The following CAMKK2 variants were observed in gnomAD, a reference collection of about 807,000 sequenced individuals.
CAMKK2 encodes the protein calcium/calmodulin dependent protein kinase kinase 2.
In CAMKK2, 30 loss-of-function variants were observed where a neutral mutation model predicts 67.2. The ratio of observed to expected loss-of-function variants is 0.45; its 90% CI spans 0.33 to 0.61. The LOEUF is 0.61. Among genes scored for constraint, CAMKK2 ranks in the 20% least tolerant of loss-of-function variants. The probability of loss-of-function intolerance (pLI) is 0.02; values close to 1 mark genes in which losing one functional copy is unlikely to be tolerated. For synonymous variants in CAMKK2, 322 were observed against 326.2 expected, an observed-to-expected ratio of 0.99 and a Z score of 0.14; for missense variants, 643 against 802.0, an observed-to-expected ratio of 0.80 and a Z score of 2.39.
intron 11 of CAMKK2, among the ~76,000 whole-genome samples, chr12:121,251,924 A>G (rs1182048551): frequency 1.3e-5 from 2 of 152,176 alleles, no homozygotes; most frequent in African/African-American, 4.8e-5. Context: ...CCCTAAATCA[A>G]TAATGGTAAA....
intron 2 of CAMKK2, among the ~76,000 whole-genome samples, chr12:121,273,660 C>T (rs992235523): frequency 2.0e-5 from 3 of 152,074 alleles, no homozygotes; most frequent in African/African-American, 7.3e-5. Flanking sequence ...CTGTCCACAC[C>T]CACAGGGGGT....
intron 1 of CAMKK2, among the ~76,000 whole-genome samples, chr12:121,281,151 C>T (rs1397667772): frequency 2.0e-5 from 3 of 152,154 alleles, no homozygotes; most frequent in Non-Finnish European, 2.9e-5. Context: ...AGCCAGCCGA[C>T]GCTTAGGAAA....
intron 5 of CAMKK2, among the ~76,000 whole-genome samples, chr12:121,265,044 C>T (rs1316303217): frequency 6.6e-6 from 1 of 151,952 alleles, no homozygotes; most frequent in South Asian, 2.1e-4. Flanking sequence ...AAGAAGCAAG[C>T]ATCGGGAGAG....
chr12:121,240,606 T>G lies in CAMKK2; in HGVS notation c.*93A>C. On this transcript the variant is annotated 3_prime_UTR_variant, in exon 17 of 17. Coordinates refer to ENST00000404169, the MANE Select transcript of CAMKK2 (RefSeq NM_001270485.2). This position sits in a 1 kb window ranked among gnomAD's most constrained non-coding sequence, Gnocchi z 4.4. The stretch of plus-strand genomic sequence containing the variant: ...GACGATCGAGGCTCTACACACGTGC[T>G]GGGTTTCCGTAGGACATGCTGCTAT... 6.5e-7 allele frequency: 1 copy of G among 1,533,668 alleles called. No individual in the cohort carries two copies. The highest frequency in any genetic ancestry group is 8.7e-7 in the Non-Finnish European group (1 of 1,146,312).
Position 121,271,145 on chromosome 12 carries a change from G to C in CAMKK2, c.472-200C>G, listed in dbSNP as rs28969493. ...TAAAAATTAGCCAGGCGTGGTGGTGGGCACCTGTAATCCCAGCTACTCAGG... is the reference window on the plus strand; with the variant it reads ...TAAAAATTAGCCAGGCGTGGTGGTGCGCACCTGTAATCCCAGCTACTCAGG... On this transcript the variant is annotated intron_variant, in intron 2 of 16. Coordinates refer to ENST00000404169, the MANE Select transcript of CAMKK2 (RefSeq NM_001270485.2). Among the ~76,000 whole-genome samples, 516 of 151,678 alleles carry C rather than the reference G, an allele frequency of 3.4e-3. 2 individuals carry two copies. The highest frequency in any genetic ancestry group is 5.2e-3 in the Non-Finnish European group (353 of 67,912).
Position 121,250,050 on chromosome 12 carries a change from G to GC in CAMKK2, c.1162-17_1162-16insG. On this transcript the variant is annotated splice_polypyrimidine_tract_variant and intron_variant, in intron 11 of 16. Transcript: ENST00000404169. ...TGAATGGGCACTGCAAAGAGGCCAGGGACAGAGTGGCAGTCAATGGCGGCC... is the reference window on the plus strand; with the variant it reads ...TGAATGGGCACTGCAAAGAGGCCAGGCGACAGAGTGGCAGTCAATGGCGGCC... The GC allele has an allele frequency of 6.2e-7, 1 of 1,603,924 alleles. No individual in the cohort carries two copies.
chr12:121,249,096 C>A (rs1376910259), intron 13 of CAMKK2, among the ~76,000 whole-genome samples: 1 of 152,256 alleles, frequency 6.6e-6, no homozygotes, highest in African/African-American at 2.4e-5. Context: ...AGGCAGCATT[C>A]TCCCCATCTC....
intron 7 of CAMKK2, among the ~76,000 whole-genome samples, chr12:121,258,929 G>A (rs1040143801): frequency 2.0e-5 from 3 of 147,904 alleles, no homozygotes; most frequent in Admixed American, 6.9e-5. Context: ...TGCAACCTCC[G>A]CCTCTCAGGT....
chr12:121,295,761 G>A (rs1901022628), intron 1 of CAMKK2, among the ~76,000 whole-genome samples: 1 of 152,206 alleles, frequency 6.6e-6, no homozygotes, highest in Non-Finnish European at 1.5e-5. Flanking sequence ...AGCCTTCTCG[G>A]GGAGATCGGA....
rs1009051150 is a variant in CAMKK2, at chr12:121,245,332, C to T, written c.1453-92G>A. On this transcript the variant is annotated intron_variant, in intron 14 of 16. Transcript: ENST00000404169. The surrounding 1 kb of genome is among the most constrained non-coding windows in gnomAD (Gnocchi z 5.8). Reference sequence around the variant, plus strand: ...ATCCTCCCTCTTCCTTCTCCCCAGCCCCTGCCAGCTCCCAGGGCTGGTGAC... The same window carrying T: ...ATCCTCCCTCTTCCTTCTCCCCAGCTCCTGCCAGCTCCCAGGGCTGGTGAC... The T allele has an allele frequency of 2.6e-5, 21 of 799,796 alleles. 1 individual carries two copies. Among genetic ancestry groups the T allele is most frequent in the Non-Finnish European group, 4.5e-5 (21 of 468,316 alleles). The allele number at this position is 799,796 out of a possible 1,614,324, so 49.5% of individuals were successfully genotyped here. A position where few individuals can be genotyped will look rare whatever the true frequency, so the allele number is the denominator to read the frequency against.
chr12:121,281,125 G>C (rs1297305342), intron 1 of CAMKK2, among the ~76,000 whole-genome samples: 1 of 152,180 alleles, frequency 6.6e-6, no homozygotes, highest in African/African-American at 2.4e-5. Context: ...TTTGTACTCT[G>C]TCCCTTTATT....
chr12:121,252,077 T>C (rs1890851721), intron 11 of CAMKK2, among the ~76,000 whole-genome samples: 1 of 151,638 alleles, frequency 6.6e-6, no homozygotes, highest in South Asian at 2.1e-4. Context: ...GGCTCAGAAA[T>C]GGGAGAGGTG....
intron 1 of CAMKK2, among the ~76,000 whole-genome samples, chr12:121,279,793 C>T (rs1897419979): frequency 1.3e-5 from 2 of 152,252 alleles, no homozygotes; most frequent in South Asian, 4.1e-4. Context: ...CCAGAGCCTT[C>T]CTGGAGCAGA....
chr12:121,294,770 G>C (rs1231885352), intron 1 of CAMKK2, among the ~76,000 whole-genome samples: 1 of 152,190 alleles, frequency 6.6e-6, no homozygotes, highest in Non-Finnish European at 1.5e-5. Context: ...AATTCCCTAC[G>C]TTGTAGGATT....
chr12:121,272,852 A>G (rs1022027716), intron 2 of CAMKK2, among the ~76,000 whole-genome samples: 1 of 152,082 alleles, frequency 6.6e-6, no homozygotes, highest in Admixed American at 6.6e-5. Flanking sequence ...CAGCCTGGGC[A>G]ACACAGCAAC....
At chr12:121,243,666 A>G in intron 16 of CAMKK2, 1 of 175,296 alleles carries the variant, frequency 5.7e-6, no homozygotes, top group Non-Finnish European at 1.2e-5. Context: ...GGGGTGGGGG[A>G]GTTGGATGGG....
At chr12:121,241,342 C>T (rs1021574369) in intron 16 of CAMKK2, among the ~76,000 whole-genome samples, 1 of 152,204 alleles carries the variant, frequency 6.6e-6, no homozygotes, top group Admixed American at 6.5e-5. Flanking sequence ...CCTGCCTGGC[C>T]TGGCACACAG....
At chr12:121,278,992 A>G (rs1158599985) in intron 1 of CAMKK2, among the ~76,000 whole-genome samples, 2 of 152,244 alleles carry the variant, frequency 1.3e-5, no homozygotes, top group African/African-American at 4.8e-5. Flanking sequence ...TAGGGCTGCA[A>G]GAGTTCCTGA....
intron 7 of CAMKK2, among the ~76,000 whole-genome samples, chr12:121,258,165 C>T (rs1892729374): frequency 6.6e-6 from 1 of 151,974 alleles, no homozygotes; most frequent in Non-Finnish European, 1.5e-5. Context: ...GCTGAGATTA[C>T]AGGCATGTGC....
Sources: allele counts gnomAD v4.1 joint callset (sites outside exome capture counted in the v4.1 genomes callset), GRCh38; gene constraint gnomAD v4.1.1; non-coding constraint Gnocchi (gnomAD v3.1); transcripts MANE v1.5; gene names NCBI Gene and HGNC (gene_info 2026-07-23, HGNC 2026-07-21).